Variants in UQCRB observed in about 807,000 individuals in gnomAD.
UQCRB encodes the protein cytochrome b-c1 complex subunit 7.
UQCRB carries 12 observed loss-of-function variants against 19.8 expected under a neutral mutation model. That is an observed-to-expected ratio of 0.61 (90% CI 0.39 to 0.98). UQCRB has a LOEUF of 0.98. Ranked by LOEUF, UQCRB falls within the 50% of genes least tolerant of loss-of-function variation. The probability of loss-of-function intolerance (pLI) is 0.00; values close to 1 mark genes in which losing one functional copy is unlikely to be tolerated. For synonymous variants in UQCRB, 39 were observed against 42.9 expected (o/e 0.91, Z 0.35); for missense variants, 142 against 131.8 (o/e 1.08, Z -0.38).
Position 96,235,504 on chromosome 8 carries a change from T to G in UQCRB, c.19+8A>C, listed in dbSNP as rs1809791151. ...CGATGCCGGCCAAGAAGACCCCCAG[T>G]TACTTACCGGCCTGCTTACCAGCCA... On this transcript the variant is annotated splice_region_variant and intron_variant, in intron 1 of 3. Transcript: ENST00000287022. 6.2e-7 allele frequency: 1 copy of G among 1,614,226 alleles called. No individual in the cohort carries two copies. Among genetic ancestry groups the G allele is most frequent in the Non-Finnish European group, 8.5e-7 (1 of 1,180,028 alleles).
rs1364177532 is a variant in UQCRB at position 96,229,334 on chromosome 8, T to C, written c.*1721A>G. ...TGTCCTTCAGCAGTGCCCTTAGGCT[T>C]GCTTTAAACATTAACAGCATTCATA... On this transcript the variant is annotated 3_prime_UTR_variant, in exon 4 of 4. Transcript: ENST00000287022. 3 of 454,008 alleles carry C rather than the reference T, an allele frequency of 6.6e-6. No individual in the cohort carries two copies. Among genetic ancestry groups the C allele is most frequent in the African/African-American group, 6.0e-5 (3 of 50,006 alleles). The allele number at this position is 454,008 out of a possible 1,614,324, so 28.1% of individuals were successfully genotyped here. A position where few individuals can be genotyped will look rare whatever the true frequency, so the allele number is the denominator to read the frequency against.
chr8:96,231,525 A>C (rs771189597), intron 3 of UQCRB: 1 of 1,516,430 alleles, frequency 6.6e-7, no homozygotes, highest in South Asian at 1.2e-5. Context: ...CCTGGGAGGC[A>C]ACAGACCTGG....
At position 96,226,782 on chromosome 8, in the gene UQCRB, T is replaced by C. The variant is rs1318958923; in HGVS notation, c.*4273A>G. ...AAAAAGTTCAATAAATAATACACTC[T>C]TTCTTTGTAGGAGATATAATCAGAA... On this transcript the variant is annotated 3_prime_UTR_variant, in exon 4 of 4. Transcript: ENST00000287022. The C allele has an allele frequency of 2.3e-5, 10 of 426,810 alleles. No individual in the cohort carries two copies. The Admixed American group carries it at 2.8e-4, about 12-fold the overall frequency. 26.4% of individuals were successfully genotyped at this position (426,810 alleles called of 1,614,324 possible).
At chr8:96,234,432 C>T in intron 1 of UQCRB, 1 of 1,170,794 alleles carries the variant, frequency 8.5e-7, no homozygotes, top group South Asian at 1.3e-5. Flanking sequence ...CAGAAGTGAT[C>T]CCACCCAAGG....
At position 96,226,176 on chromosome 8, in the gene UQCRB, G is replaced by T. The variant is rs1014651781; in HGVS notation, c.*4879C>A. The T allele has an allele frequency of 6.6e-6, 1 of 152,172 alleles. No homozygotes were observed. The highest frequency in any genetic ancestry group is 1.5e-5 in the Non-Finnish European group (1 of 68,056). 9.4% of individuals were successfully genotyped at this position (152,172 alleles called of 1,614,324 possible). ...CACATACATCAATTTAAAAAATCCA[G>T]AAAATTATGTAATGAACAAGCATAA... On this transcript the variant is annotated 3_prime_UTR_variant, in exon 4 of 4. Transcript: ENST00000287022.
At position 96,231,909 on chromosome 8, in the gene UQCRB, A is replaced by T. The variant is rs1014823761; in HGVS notation, c.123T>A (p.Asp41Glu). 3.7e-6 allele frequency: 6 copies of T among 1,613,634 alleles called. No individual in the cohort carries two copies. Among genetic ancestry groups the T allele is most frequent in the African/African-American group, 1.3e-5 (1 of 74,938 alleles). Residue 41 changes from aspartate to glutamate, a missense_variant, in exon 3 of 4, where the codon GAT (aspartate) becomes GAA (glutamate). This residue lies in a region of UQCRB where 132 missense variants were observed against 107.5 expected (regional missense o/e 1.23). Coordinates refer to ENST00000287022, the MANE Select transcript of UQCRB (RefSeq NM_006294.5). Reference protein sequence around the residue: ...GLMRDDTIYEDEDVKEAIRRL... With the variant: ...GLMRDDTIYEEEDVKEAIRRL... ...TTCTTATGGCTTCTTTTACATCTTC[A>T]TCCTCGTATATTGTATCATCTCGCA...
chr8:96,228,645 T>C lies in UQCRB; in HGVS notation c.*2410A>G, dbSNP rs753531675. 7 of 454,132 alleles carry C rather than the reference T, an allele frequency of 1.5e-5. No individual in the cohort carries two copies. Among genetic ancestry groups the C allele is most frequent in the South Asian group, 1.1e-4 (7 of 64,476 alleles). The allele number at this position is 454,132 out of a possible 1,614,324, so 28.1% of individuals were successfully genotyped here. On this transcript the variant is annotated 3_prime_UTR_variant, in exon 4 of 4. Transcript: ENST00000287022. ...TGCCAGAAACTGTTAGTGCTTGACA[T>C]GCAGTCAGTTAATTTTCACAACTGG...
intron 3 of UQCRB, 36 bp from the exon 4 acceptor site, chr8:96,231,168 C>T (rs7837412): frequency 6.8e-6 from 11 of 1,614,108 alleles, no homozygotes; most frequent in East Asian, 2.2e-5. Context: ...GTTACCATCA[C>T]GTACTGATAT....
rs774081045 is a variant in UQCRB, at chr8:96,230,044, T to G, written c.*1011A>C. 2.2e-6 allele frequency: 1 copy of G among 454,060 alleles called. No homozygotes were observed. The highest frequency in any genetic ancestry group is 1.6e-5 in the South Asian group (1 of 64,474). 28.1% of individuals were successfully genotyped at this position (454,060 alleles called of 1,614,324 possible). A position where few individuals can be genotyped will look rare whatever the true frequency, so the allele number is the denominator to read the frequency against. On this transcript the variant is annotated 3_prime_UTR_variant, in exon 4 of 4. Coordinates refer to ENST00000287022, the MANE Select transcript of UQCRB (RefSeq NM_006294.5). ...CTCTCACCTCTACCAAAGAAAGCAT[T>G]TCAGAATTTAGGAGTGGAAATGATG...
Position 96,227,820 on chromosome 8 carries a change from T to C in UQCRB, c.*3235A>G. 2.2e-6 allele frequency: 1 copy of C among 453,592 alleles called. No individual in the cohort carries two copies. The highest frequency in any genetic ancestry group is 4.4e-6 in the Non-Finnish European group (1 of 226,640). The allele number at this position is 453,592 out of a possible 1,614,324, so 28.1% of individuals were successfully genotyped here. A position where few individuals can be genotyped will look rare whatever the true frequency, so the allele number is the denominator to read the frequency against. On this transcript the variant is annotated 3_prime_UTR_variant, in exon 4 of 4. Coordinates refer to ENST00000287022, the MANE Select transcript of UQCRB (RefSeq NM_006294.5). ...GGAGTCCTTAAAGTAAATAACTAAA[T>C]GAAATCACTACCAAAATGTACACTT...
In UQCRB at chr8:96,226,289, C is replaced by T. The variant is rs975209439; in HGVS notation, c.*4766G>A. 5 of 152,652 alleles carry T rather than the reference C, an allele frequency of 3.3e-5. No homozygotes were observed. Among genetic ancestry groups the T allele is most frequent in the Non-Finnish European group, 7.3e-5 (5 of 68,416 alleles). The allele number at this position is 152,652 out of a possible 1,614,324, so 9.5% of individuals were successfully genotyped here. A position where few individuals can be genotyped will look rare whatever the true frequency, so the allele number is the denominator to read the frequency against. On this transcript the variant is annotated 3_prime_UTR_variant, in exon 4 of 4. Transcript: ENST00000287022. Reference sequence around the variant, plus strand: ...AGGTTGCAGGGAGGATTAAAAGAGACAACATACGAACAGTGCCTAGTACAA... The same window carrying T: ...AGGTTGCAGGGAGGATTAAAAGAGATAACATACGAACAGTGCCTAGTACAA...
At position 96,222,969 on chromosome 8, in the gene UQCRB, G is replaced by T. The variant is rs1033078023; in HGVS notation, c.*8086C>A. On this transcript the variant is annotated 3_prime_UTR_variant, in exon 4 of 4. Transcript: ENST00000287022. ...AAATACTGCATGATCTTATTTATTT[G>T]TGCAATCTAAAACATGTCAAATACA... Among the ~76,000 whole-genome samples the T allele has an allele frequency of 5.9e-5, 9 of 152,236 alleles. No individual in the cohort carries two copies. Among genetic ancestry groups the T allele is most frequent in the African/African-American group, 1.9e-4 (8 of 41,536 alleles).
rs952914000 is a variant in UQCRB, at chr8:96,227,015, A to G, written c.*4040T>C. 4.4e-6 allele frequency: 2 copies of G among 453,918 alleles called. No homozygotes were observed. Among genetic ancestry groups the G allele is most frequent in the Non-Finnish European group, 8.8e-6 (2 of 226,772 alleles). The allele number at this position is 453,918 out of a possible 1,614,324, so 28.1% of individuals were successfully genotyped here. A position where few individuals can be genotyped will look rare whatever the true frequency, so the allele number is the denominator to read the frequency against. On this transcript the variant is annotated 3_prime_UTR_variant, in exon 4 of 4. Coordinates refer to ENST00000287022, the MANE Select transcript of UQCRB (RefSeq NM_006294.5). ...ATTCTAACATGTTATGGCTTTTAATATGAACGCCAGTATAACCAGAATGTA... is the reference window on the plus strand; with the variant it reads ...ATTCTAACATGTTATGGCTTTTAATGTGAACGCCAGTATAACCAGAATGTA...
rs758281447 is a variant in UQCRB at position 96,231,015 on chromosome 8, A to G, written c.*40T>C. ...AAAATTGTTTGTTTCAAGTTTAACC[A>G]TCTTCATAACAGCTGCATCCACAGA... On this transcript the variant is annotated 3_prime_UTR_variant, in exon 4 of 4. Transcript: ENST00000287022. 1.3e-6 allele frequency: 2 copies of G among 1,581,290 alleles called. No homozygotes were observed. The highest frequency in any genetic ancestry group is 1.7e-6 in the Non-Finnish European group (2 of 1,151,744).
Position 96,226,060 on chromosome 8 carries a change from G to A in UQCRB, c.*4995C>T, listed in dbSNP as rs1341445995. The A allele has an allele frequency of 6.6e-6, 1 of 152,174 alleles. No individual in the cohort carries two copies. Among genetic ancestry groups the A allele is most frequent in the Non-Finnish European group, 1.5e-5 (1 of 68,048 alleles). 9.4% of individuals were successfully genotyped at this position (152,174 alleles called of 1,614,324 possible). A position where few individuals can be genotyped will look rare whatever the true frequency, so the allele number is the denominator to read the frequency against. On this transcript the variant is annotated 3_prime_UTR_variant, in exon 4 of 4. Transcript: ENST00000287022. ...AAATATCCTGTAACACACAGAGGAGGCCCCCACAACAAAGAATTATCTAGC... is the reference window on the plus strand; with the variant it reads ...AAATATCCTGTAACACACAGAGGAGACCCCCACAACAAAGAATTATCTAGC...
chr8:96,233,153 T>C lies in UQCRB; in HGVS notation c.91+3A>G, dbSNP rs1485253889. ...AAAAACATTAAACAGCACAGCTGCT[T>C]ACCCAGTTTATTGAATCCTGCAGCA... On this transcript the variant is annotated splice_donor_region_variant and intron_variant, in intron 2 of 3. Coordinates refer to ENST00000287022, the MANE Select transcript of UQCRB (RefSeq NM_006294.5). 1 of 1,612,488 alleles carries C rather than the reference T, an allele frequency of 6.2e-7. No individual in the cohort carries two copies. Among genetic ancestry groups the C allele is most frequent in the Non-Finnish European group, 8.5e-7 (1 of 1,179,676 alleles).
chr8:96,231,242 T>C (rs1481985237), intron 3 of UQCRB, 110 bp from the exon 4 acceptor site: 2 of 1,604,094 alleles, frequency 1.2e-6, no homozygotes, highest in Non-Finnish European at 8.5e-7. Context: ...ATTTCCAATT[T>C]TAGAAAACAT....
rs1304071339 is a variant in UQCRB at position 96,225,020 on chromosome 8, A to ATGATAT, written c.*6034_*6035insATATCA. Among the ~76,000 whole-genome samples the ATGATAT allele has an allele frequency of 1.9e-4, 29 of 152,330 alleles. No individual in the cohort carries two copies. The highest frequency in any genetic ancestry group is 7.0e-4 in the African/African-American group (29 of 41,584). On this transcript the variant is annotated 3_prime_UTR_variant, in exon 4 of 4. Transcript: ENST00000287022. ...TAAAAATATCATTTCAGCAAATGTA[A>ATGATAT]GTAAAAGGGGTACTATCTAAACATA... is the stretch of plus-strand genomic sequence containing the variant.
chr8:96,231,995 T>C, intron 2 of UQCRB, 55 bp from the exon 3 acceptor site: 1 of 1,555,982 alleles, frequency 6.4e-7, no homozygotes, highest in Non-Finnish European at 8.8e-7. Flanking sequence ...CGCGGTTTTT[T>C]TAAATTAGTA....
Sources: allele counts gnomAD v4.1 joint callset (sites outside exome capture counted in the v4.1 genomes callset), GRCh38; gene constraint gnomAD v4.1.1; regional missense constraint gnomAD v4.1.1; transcripts MANE v1.5; gene names NCBI Gene and HGNC (gene_info 2026-07-23, HGNC 2026-07-21).